The following STK32B variants were observed in gnomAD, a reference collection of about 807,000 sequenced individuals.
The protein encoded by STK32B is serine/threonine kinase 32B, also known as serine/threonine-protein kinase 32B.
In STK32B, 43 loss-of-function variants were observed where a neutral mutation model predicts 52.6. That is an observed-to-expected ratio of 0.82 (90% CI 0.64 to 1.05). The LOEUF (loss-of-function observed/expected upper bound fraction) is 1.05. STK32B is among the 50% of genes least tolerant of loss of function. The pLI is 0.00. For synonymous variants in STK32B, 238 were observed against 204.3 expected, an observed-to-expected ratio of 1.17 and a Z score of -1.41; for missense variants, 621 against 534.6, an observed-to-expected ratio of 1.16 and a Z score of -1.59.
At chr4:5,289,459 T>C (rs2108881628) in intron 3 of STK32B, among the ~76,000 whole-genome samples, 1 of 152,272 alleles carries the variant, frequency 6.6e-6, no homozygotes, top group South Asian at 2.1e-4. Context: ...TTCTTTTTTT[T>C]TGAGACGGAG....
At chr4:5,381,297 C>T (rs1027763806) in intron 4 of STK32B, among the ~76,000 whole-genome samples, 1 of 152,204 alleles carries the variant, frequency 6.6e-6, no homozygotes, top group Non-Finnish European at 1.5e-5. Flanking sequence ...GATGAGGAAG[C>T]TAGACTTAGA....
chr4:5,340,820 A>G (rs1350667114), intron 4 of STK32B, among the ~76,000 whole-genome samples: 1 of 152,216 alleles, frequency 6.6e-6, no homozygotes, highest in Admixed American at 6.5e-5. Flanking sequence ...GTATGTACAC[A>G]TATATATAAA....
chr4:5,420,343 G>T (rs1222869808), intron 6 of STK32B, among the ~76,000 whole-genome samples: 1 of 152,148 alleles, frequency 6.6e-6, no homozygotes, highest in Non-Finnish European at 1.5e-5. Context: ...CGACCTTTCT[G>T]AGATCGCTTT....
chr4:5,057,440 C>A (rs1742048661), intron 1 of STK32B, among the ~76,000 whole-genome samples: 1 of 152,212 alleles, frequency 6.6e-6, no homozygotes, highest in Non-Finnish European at 1.5e-5. Context: ...GTGGTGATTT[C>A]TGACTCTTGC....
chr4:5,072,963 T>C (rs1012640470), intron 1 of STK32B, among the ~76,000 whole-genome samples: 1 of 152,140 alleles, frequency 6.6e-6, no homozygotes, highest in Non-Finnish European at 1.5e-5. Context: ...AAGTATTCTC[T>C]TTATCTCTGA....
chr4:5,138,970 G>GAAA (rs1577096267), intron 1 of STK32B, among the ~76,000 whole-genome samples: 1 of 152,270 alleles, frequency 6.6e-6, no homozygotes, highest in East Asian at 1.9e-4. Flanking sequence ...AGCAATGGAG[G>GAAA]GGACATCGGA....
chr4:5,447,886 A>G (rs1715611461), intron 7 of STK32B, among the ~76,000 whole-genome samples: 1 of 152,272 alleles, frequency 6.6e-6, no homozygotes, highest in Non-Finnish European at 1.5e-5. Context: ...CAGAGCTGAC[A>G]GAAGCAAAGA....
intron 3 of STK32B, among the ~76,000 whole-genome samples, chr4:5,310,571 C>T (rs145682927): frequency 2.5e-3 from 376 of 152,130 alleles, no homozygotes; most frequent in African/African-American, 7.8e-3. Context: ...AAAGGGAACT[C>T]TAGCACACTG....
chr4:5,150,931 C>T (rs2108845271), intron 2 of STK32B, among the ~76,000 whole-genome samples: 1 of 152,278 alleles, frequency 6.6e-6, no homozygotes, highest in African/African-American at 2.4e-5. Flanking sequence ...ACAAAGTTAG[C>T]ATCACAAAGA....
At chr4:5,118,536 C>A (rs1319916975) in intron 1 of STK32B, among the ~76,000 whole-genome samples, 3 of 152,212 alleles carry the variant, frequency 2.0e-5, no homozygotes, top group Admixed American at 6.5e-5. Flanking sequence ...TTCTCTCCTT[C>A]TAGGTCTTGT....
intron 3 of STK32B, among the ~76,000 whole-genome samples, chr4:5,241,697 G>T (rs1725037435): frequency 6.6e-6 from 1 of 151,834 alleles, no homozygotes; most frequent in African/African-American, 2.4e-5. Flanking sequence ...TTTAGCATTA[G>T]GTATATCTCC....
intron 3 of STK32B, among the ~76,000 whole-genome samples, chr4:5,306,116 G>A (rs117719853): frequency 0.022 from 3,376 of 152,086 alleles, 60 homozygotes; most frequent in South Asian, 0.053. Context: ...GCTTGTTTGT[G>A]GTCTATCATG....
chr4:5,243,971 T>C (rs1725243116), intron 3 of STK32B, among the ~76,000 whole-genome samples: 1 of 152,148 alleles, frequency 6.6e-6, no homozygotes, highest in Admixed American at 6.5e-5. Flanking sequence ...TGCTGCTGGA[T>C]TCAGTTTGCC....
At chr4:5,392,840 C>T (rs1736669190) in intron 4 of STK32B, among the ~76,000 whole-genome samples, 1 of 152,172 alleles carries the variant, frequency 6.6e-6, no homozygotes, top group Non-Finnish European at 1.5e-5. Context: ...GACACACAAC[C>T]AACACTCAAT....
chr4:5,217,979 A>C (rs1444019383), intron 3 of STK32B, among the ~76,000 whole-genome samples: 1 of 152,150 alleles, frequency 6.6e-6, no homozygotes, highest in African/African-American at 2.4e-5. Flanking sequence ...CTTTCTAAGA[A>C]TTCTTCTTAA....
intron 4 of STK32B, among the ~76,000 whole-genome samples, chr4:5,371,178 A>G (rs1439100592): frequency 6.6e-6 from 1 of 152,128 alleles, no homozygotes; most frequent in Non-Finnish European, 1.5e-5. Context: ...CAGCAAAGAC[A>G]GCTGGGATTA....
At chr4:5,352,075 A>T (rs186459707) in intron 4 of STK32B, among the ~76,000 whole-genome samples, 109 of 152,224 alleles carry the variant, frequency 7.2e-4, no homozygotes, top group African/African-American at 2.6e-3. Flanking sequence ...AAGAGAAAGA[A>T]ACTCTCCCTA....
At chr4:5,100,321 CCTT>C (rs1222259042) in intron 1 of STK32B, among the ~76,000 whole-genome samples, 4 of 150,692 alleles carry the variant, frequency 2.7e-5, no homozygotes, top group African/African-American at 9.7e-5. Flanking sequence ...CCCCTCCCTC[CCTT>C]CTCCCTCCCT....
At chr4:5,417,547 TA>T (rs1712264510) in intron 6 of STK32B, among the ~76,000 whole-genome samples, 4 of 152,048 alleles carry the variant, frequency 2.6e-5, no homozygotes, top group Admixed American at 6.6e-5. Flanking sequence ...CTATTGTGTT[TA>T]TTTGTTTTGT....
Sources: allele counts gnomAD v4.1 joint callset (sites outside exome capture counted in the v4.1 genomes callset), GRCh38; gene constraint gnomAD v4.1.1; transcripts MANE v1.5; gene names NCBI Gene and HGNC (gene_info 2026-07-23, HGNC 2026-07-21).